MYO18B: variants seen among roughly 807,000 people sequenced by gnomAD.
MYO18B encodes the protein myosin XVIIIB.
A neutral mutation model predicts 273.0 loss-of-function variants in MYO18B; 204 were observed. That is an observed-to-expected ratio of 0.75 (90% CI 0.67 to 0.84). The LOEUF (loss-of-function observed/expected upper bound fraction) is 0.84. Ranked by LOEUF, MYO18B falls within the 40% of genes least tolerant of loss-of-function variation. The pLI is 0.00. For missense variants in MYO18B, 3,212 were observed against 3,287.6 expected (o/e 0.98, Z 0.56); for synonymous variants, 1,330 against 1,305.7 (o/e 1.02, Z -0.40).
At chr22:25,749,713 A>G (rs916142230) in intron 1 of MYO18B, among the ~76,000 whole-genome samples, 7 of 152,028 alleles carry the variant, frequency 4.6e-5, no homozygotes, top group Admixed American at 3.3e-4. Context: ...CCATTACTCA[A>G]TCCTCTCCTG....
intron 7 of MYO18B, among the ~76,000 whole-genome samples, chr22:25,774,140 C>G (rs1440356063): frequency 6.6e-6 from 1 of 152,202 alleles, no homozygotes; most frequent in African/African-American, 2.4e-5. Context: ...TGAGGCAATG[C>G]TAAATCCATT....
At chr22:25,803,531 C>G (rs1334882515) in intron 12 of MYO18B, among the ~76,000 whole-genome samples, 2 of 152,008 alleles carry the variant, frequency 1.3e-5, no homozygotes, top group East Asian at 3.9e-4. Context: ...AAGGAGAGCC[C>G]AGAGGCAGAG....
At chr22:25,881,958 G>T (rs2091348807) in intron 25 of MYO18B, among the ~76,000 whole-genome samples, 1 of 152,114 alleles carries the variant, frequency 6.6e-6, no homozygotes, top group African/African-American at 2.4e-5. Context: ...CTTCACATGT[G>T]CTGTTCACTC....
intron 1 of MYO18B, among the ~76,000 whole-genome samples, chr22:25,760,434 A>AACAC (rs59165419): frequency 4.5e-5 from 5 of 111,548 alleles, no homozygotes; most frequent in African/African-American, 1.8e-4. Flanking sequence ...AAAAAAAAAA[A>AACAC]CACAAAAACA....
Position 25,992,380 on chromosome 22 carries a change from A to G in MYO18B, c.6174A>G (p.Glu2058=), listed in dbSNP as rs779823109. The G allele has an allele frequency of 6.2e-7, 1 of 1,613,882 alleles. No individual in the cohort carries two copies. Among genetic ancestry groups the G allele is most frequent in the African/African-American group, 1.3e-5 (1 of 74,938 alleles). ...RCMELEKYVE[E]LAAVRQTLQT... ...GTCCCCAGGAGAAGTACGTGGAGGA[A>G]CTTGCAGCAGTGAGGCAAACCCTCC... The change falls in exon 40 of 44, where the codon GAA becomes GAG. Residue 2058 remains glutamate, a synonymous_variant. Transcript: ENST00000335473.
At chr22:25,938,632 G>A (rs962527384) in intron 34 of MYO18B, among the ~76,000 whole-genome samples, 4 of 152,240 alleles carry the variant, frequency 2.6e-5, no homozygotes, top group African/African-American at 9.6e-5. Context: ...TGTAGTGAGT[G>A]TTGAAGAAAT....
At chr22:25,998,292 A>G (rs1242597655) in intron 40 of MYO18B, among the ~76,000 whole-genome samples, 1 of 152,114 alleles carries the variant, frequency 6.6e-6, no homozygotes, top group East Asian at 1.9e-4. Context: ...GGAGGGAGGA[A>G]TATGCTGGCT....
chr22:25,947,221 T>C (rs1003516842), intron 35 of MYO18B, among the ~76,000 whole-genome samples: 2 of 151,938 alleles, frequency 1.3e-5, no homozygotes, highest in Admixed American at 1.3e-4. Context: ...GCCCTCCGTA[T>C]AGGTAACCTG....
At chr22:25,917,315 C>T (rs1044893473) in intron 33 of MYO18B, among the ~76,000 whole-genome samples, 5 of 152,036 alleles carry the variant, frequency 3.3e-5, no homozygotes, top group African/African-American at 1.2e-4. Flanking sequence ...AATGGTTATA[C>T]CAAAGTTTGT....
chr22:26,002,055 G>A (rs73404443), intron 40 of MYO18B, among the ~76,000 whole-genome samples: 20,296 of 152,144 alleles, frequency 0.13, 3,900 homozygotes, highest in African/African-American at 0.42. Flanking sequence ...TGTTTTGGGG[G>A]TTAGAATGTG....
Position 26,003,251 on chromosome 22 carries a change from G to A in MYO18B, c.6288-14G>A. 6.2e-7 allele frequency: 1 copy of A among 1,605,668 alleles called. No homozygotes were observed. The highest frequency in any genetic ancestry group is 8.5e-7 in the Non-Finnish European group (1 of 1,176,070). ...GCACGAGGATAACACACTCTTTCTT[G>A]TGCCTCTTACTAGTGTCCAGACGGC... On this transcript the variant is annotated splice_polypyrimidine_tract_variant and intron_variant, in intron 40 of 43. Transcript: ENST00000335473.
At chr22:25,931,255 C>T (rs1012899401) in intron 34 of MYO18B, among the ~76,000 whole-genome samples, 32 of 152,104 alleles carry the variant, frequency 2.1e-4, no homozygotes, top group Non-Finnish European at 3.4e-4. Flanking sequence ...CCTGTTCACC[C>T]CACAAATGTT....
In MYO18B at chr22:26,026,890, G is replaced by A; in HGVS notation, c.6916G>A (p.Gly2306Arg). ...CGAGGGAAACCTCTCGCTGAGGGTT[G>A]GGGCAAAGTCACCCCTGGAAATCGA... Reference protein sequence around the residue: ...SDEGNLSLRVGAKSPLEIEGA... With the variant: ...SDEGNLSLRVRAKSPLEIEGA... Residue 2306 changes from glycine (G) to arginine (R), a missense_variant, in exon 43 of 44, where the codon GGG becomes AGG. Transcript: ENST00000335473. The A allele has an allele frequency of 6.2e-7, 1 of 1,604,530 alleles. No individual in the cohort carries two copies. Among genetic ancestry groups the A allele is most frequent in the Non-Finnish European group, 8.5e-7 (1 of 1,174,576 alleles).
intron 17 of MYO18B, among the ~76,000 whole-genome samples, chr22:25,838,734 G>A (rs1223159899): frequency 1.3e-5 from 2 of 152,142 alleles, no homozygotes; most frequent in East Asian, 3.8e-4. Flanking sequence ...GGGTTAGCAT[G>A]CCCTATGGTA....
chr22:25,771,559 C>T (rs1294543462), intron 6 of MYO18B, among the ~76,000 whole-genome samples: 7 of 152,178 alleles, frequency 4.6e-5, no homozygotes, highest in East Asian at 1.9e-4. Flanking sequence ...CCTTTCCCCC[C>T]GCCCCTCACA....
chr22:25,874,284 A>T lies in MYO18B; in HGVS notation c.3952-2A>T. 1.2e-6 allele frequency: 2 copies of T among 1,613,514 alleles called. No homozygotes were observed. The highest frequency in any genetic ancestry group is 2.2e-5 in the South Asian group (2 of 91,076). ...CTCACCTGAAACCTTCCCTCTCCCC[A>T]GGTTTTTCTCAAGGCAGGTGTGATC... On this transcript the variant is annotated splice_acceptor_variant, in intron 22 of 43. Transcript: ENST00000335473. LOFTEE classifies it high-confidence loss of function.
At chr22:25,836,979 T>G (rs201547291) in intron 17 of MYO18B, among the ~76,000 whole-genome samples, 1 of 56,656 alleles carries the variant, frequency 1.8e-5, no homozygotes, top group Non-Finnish European at 3.4e-5. Flanking sequence ...ATAATAATAA[T>G]AATAATAATA....
At position 25,786,301 on chromosome 22, in the gene MYO18B, A is replaced by G. The variant is rs113423225; in HGVS notation, c.2376+810A>G. Among the ~76,000 whole-genome samples the G allele has an allele frequency of 4.4e-3, 668 of 152,302 alleles. 6 individuals carry two copies. The highest frequency in any genetic ancestry group is 0.014 in the African/African-American group (595 of 41,548). On this transcript the variant is annotated intron_variant, in intron 11 of 43. Transcript: ENST00000335473. ...TGCATGAAATGCTGCGGGCACCACA[A>G]GATAGCTGATAGAGCTACTTGGACT...
chr22:25,775,855 C>G (rs1351683845), intron 7 of MYO18B, among the ~76,000 whole-genome samples: 1 of 150,390 alleles, frequency 6.6e-6, no homozygotes, highest in Admixed American at 6.6e-5. Flanking sequence ...GTCTTCCCAC[C>G]AGAAGGCAAG....
Sources: gnomAD v4.1 joint callset for allele counts (sites outside exome capture counted in the v4.1 genomes callset) on GRCh38, gnomAD v4.1.1 for gene constraint, MANE v1.5 for transcripts, NCBI Gene and HGNC (gene_info 2026-07-23, HGNC 2026-07-21) for gene names.